FBF1: variants seen among roughly 807,000 people sequenced by gnomAD.
FBF1 encodes the protein fas-binding factor 1.
FBF1 carries 119 observed loss-of-function variants against 147.2 expected under a neutral mutation model. That is an observed-to-expected ratio of 0.81 (90% CI 0.70 to 0.94). FBF1 has a LOEUF of 0.94. Among genes scored for constraint, FBF1 ranks in the 40% least tolerant of loss-of-function variants. The pLI, the probability that FBF1 is intolerant of heterozygous loss-of-function variation, is 0.00. For missense variants in FBF1, 1,449 were observed against 1,500.8 expected (o/e 0.97, Z 0.57); for synonymous variants, 601 against 609.0 (o/e 0.99, Z 0.19).
chr17:75,909,747 T>C lies in FBF1; in HGVS notation c.*976A>G, dbSNP rs2065446984. The C allele has an allele frequency of 1.6e-6, 1 of 616,976 alleles. No individual in the cohort carries two copies. The highest frequency in any genetic ancestry group is 2.9e-6 in the Non-Finnish European group (1 of 341,536). The allele number at this position is 616,976 out of a possible 1,614,324, so 38.2% of individuals were successfully genotyped here. A position where few individuals can be genotyped will look rare whatever the true frequency, so the allele number is the denominator to read the frequency against. On this transcript the variant is annotated 3_prime_UTR_variant, in exon 30 of 30. Coordinates refer to ENST00000636174, the MANE Select transcript of FBF1 (RefSeq NM_001319193.2). ...AGGCGCCTGGTCCTGACCAATCTTA[T>C]AGGCTGATCTTTTAATAAGAACATC...
chr17:75,914,393 G>C, intron 25 of FBF1, 95 bp from the exon 26 acceptor site: 1 of 1,468,418 alleles, frequency 6.8e-7, no homozygotes, highest in South Asian at 1.3e-5. Flanking sequence ...CCCTGCCCCT[G>C]GGAGGAGGTG....
In FBF1 at chr17:75,925,320, G is replaced by A. The variant is rs182524378; in HGVS notation, c.968+27C>T. ...CCCAGTGGCCGACCTGTCTCAAGAG[G>A]CCAAGCCTCCTGCAGGCCCCACTTA... On this transcript the variant is annotated intron_variant, in intron 13 of 29. Transcript: ENST00000636174. The surrounding 1 kb of genome is among the most constrained non-coding windows in gnomAD (Gnocchi z 5.0). 8.8e-6 allele frequency: 14 copies of A among 1,594,206 alleles called. No homozygotes were observed. The African/African-American group carries it at 1.3e-4, about 15-fold the overall frequency.
Position 75,919,966 on chromosome 17 carries a change from G to C in FBF1, c.1931+41C>G. On this transcript the variant is annotated intron_variant, in intron 19 of 29. Transcript: ENST00000636174. This position sits in a 1 kb window ranked among gnomAD's most constrained non-coding sequence, Gnocchi z 5.0. ...GCACACTGGGTGGCCTTTGGGGTCA[G>C]TGTGAGATCCAAGGCAGAGCTGGGG... The C allele has an allele frequency of 6.2e-7, 1 of 1,610,002 alleles. No homozygotes were observed. The highest frequency in any genetic ancestry group is 8.5e-7 in the Non-Finnish European group (1 of 1,177,218).
Position 75,914,008 on chromosome 17 carries a change from C to T in FBF1, c.3034G>A (p.Glu1012Lys), listed in dbSNP as rs1221124975. The change falls in exon 27 of 30, where the codon GAG (glutamate) becomes AAG (lysine). Residue 1012 changes from glutamate (E) to lysine (K), a missense_variant. Transcript: ENST00000636174. ...KYEEGERALR[E>K]AQQVQAEQQA... ...TGCTCTGCCTGCACCTGCTGGGCCT[C>T]GCGCAATGCCCGCTCCCCCTCCTCG... is the stretch of plus-strand genomic sequence containing the variant. 11 of 1,579,756 alleles carry T rather than the reference C, an allele frequency of 7.0e-6. No individual in the cohort carries two copies. The highest frequency in any genetic ancestry group is 2.7e-5 in the African/African-American group (2 of 74,476).
chr17:75,929,002 T>G (rs1418122684), intron 7 of FBF1, among the ~76,000 whole-genome samples: 1 of 149,870 alleles, frequency 6.7e-6, no homozygotes, highest in Non-Finnish European at 1.5e-5. Flanking sequence ...TTTTTTTTTT[T>G]TTGAAGACAG....
chr17:75,926,700 T>C lies in FBF1; in HGVS notation c.595+58A>G, dbSNP rs549069656. 6.4e-4 allele frequency: 1,006 copies of C among 1,567,410 alleles called. 4 individuals carry two copies. The highest frequency in any genetic ancestry group is 7.0e-4 in the Non-Finnish European group (806 of 1,155,134). On this transcript the variant is annotated intron_variant, in intron 10 of 29. Transcript: ENST00000636174. ...CTGGTTCTGCACCAGAAAGGCTGGT[T>C]AGCTTGTTGCCAATAAACTCTTCCT...
chr17:75,934,108 T>C (rs1439993893), intron 4 of FBF1, among the ~76,000 whole-genome samples: 1 of 152,182 alleles, frequency 6.6e-6, no homozygotes, highest in African/African-American at 2.4e-5. Flanking sequence ...GCATTATTCA[T>C]AACAGCCGAA....
chr17:75,912,213 C>A lies in FBF1; in HGVS notation c.3342G>T (p.Leu1114=). The change falls in exon 29 of 30, where the codon CTG becomes CTT. Residue 1114 remains leucine (L), a synonymous_variant. Coordinates refer to ENST00000636174, the MANE Select transcript of FBF1 (RefSeq NM_001319193.2). ...TCACCTGCTCTGCCATGTGCCTCAGCAGTGCCAGCCTGGCATGGAGGTGCA... is the reference window on the plus strand; with the variant it reads ...TCACCTGCTCTGCCATGTGCCTCAGAAGTGCCAGCCTGGCATGGAGGTGCA... ...SPLHLHARLA[L]LRHMAEQDRD... is the part of the protein sequence containing the mutation. 1.2e-6 allele frequency: 2 copies of A among 1,609,700 alleles called. No individual in the cohort carries two copies. Among genetic ancestry groups the A allele is most frequent in the South Asian group, 2.2e-5 (2 of 90,162 alleles).
intron 3 of FBF1, among the ~76,000 whole-genome samples, chr17:75,937,277 TCTC>T (rs1432008718): frequency 6.6e-6 from 1 of 151,880 alleles, no homozygotes; most frequent in African/African-American, 2.4e-5. Context: ...TTCACACCAT[TCTC>T]CTGCCTCAGC....
intron 3 of FBF1, among the ~76,000 whole-genome samples, chr17:75,935,992 A>T (rs113282197): frequency 0.031 from 4,725 of 150,050 alleles, 221 homozygotes; most frequent in African/African-American, 0.11. Context: ...CCTGACCAAC[A>T]TGGCAAAACC....
At position 75,910,116 on chromosome 17, in the gene FBF1, C is replaced by T. The variant is rs578014872; in HGVS notation, c.*607G>A. The stretch of plus-strand genomic sequence containing the variant: ...TGTTCACCCAAACTGGTTGGTCCTT[C>T]GGGCAATGCTGGGAATAGGGTGGGG... On this transcript the variant is annotated 3_prime_UTR_variant, in exon 30 of 30. Transcript: ENST00000636174. This position sits in a 1 kb window ranked among gnomAD's most constrained non-coding sequence, Gnocchi z 4.1. 1.7e-3 allele frequency: 888 copies of T among 515,422 alleles called. 6 individuals carry two copies. In the Middle Eastern group the frequency reaches 0.022, roughly 13 times the overall value. 31.9% of individuals were successfully genotyped at this position (515,422 alleles called of 1,614,324 possible). A position where few individuals can be genotyped will look rare whatever the true frequency, so the allele number is the denominator to read the frequency against.
rs775940226 is a variant in FBF1, at chr17:75,926,277, G to A, written c.734+11C>T. 1.2e-6 allele frequency: 2 copies of A among 1,612,646 alleles called. No homozygotes were observed. The highest frequency in any genetic ancestry group is 1.3e-5 in the African/African-American group (1 of 75,070). On this transcript the variant is annotated intron_variant, in intron 11 of 29. Transcript: ENST00000636174. ...CTGAGGCAGCAGCCTGGCCTACTCA[G>A]GGATCCTTACTGGTCTCCTATCTGC...
chr17:75,933,900 G>T (rs1598161699), intron 4 of FBF1, among the ~76,000 whole-genome samples: 1 of 152,114 alleles, frequency 6.6e-6, no homozygotes, highest in Non-Finnish European at 1.5e-5. Flanking sequence ...TCATCAAAAA[G>T]AAGGAAAACA....
chr17:75,939,295 CAAAAA>C (rs56272719), intron 1 of FBF1, among the ~76,000 whole-genome samples: 1,065 of 82,972 alleles, frequency 0.013, 17 homozygotes, highest in African/African-American at 0.038. Context: ...ACTCTGTCTC[CAAAAA>C]AAAAAAAAAA....
rs575262999 is a variant in FBF1 at position 75,926,354 on chromosome 17, T to A, written c.668A>T (p.Asp223Val). ...KKEELLFDDGDDIMATLGFGD... is the reference protein window; with the variant it reads ...KKEELLFDDGVDIMATLGFGD... Reference sequence around the variant, plus strand: ...AAACCCCAAGGTGGCCATGATGTCATCCCCATCATCAAACAACAATTCTTC... The same window carrying A: ...AAACCCCAAGGTGGCCATGATGTCAACCCCATCATCAAACAACAATTCTTC... Residue 223 changes from aspartate (D) to valine (V), a missense_variant, in exon 11 of 30, where the codon GAT becomes GTT. Physicochemically the swap from Asp to Val is radical, Grantham distance 152 (BLOSUM62 -3). Coordinates refer to ENST00000636174, the MANE Select transcript of FBF1 (RefSeq NM_001319193.2). 1.9e-6 allele frequency: 3 copies of A among 1,612,104 alleles called. No individual in the cohort carries two copies. The highest frequency in any genetic ancestry group is 1.7e-4 in the Middle Eastern group (1 of 6,056).
At position 75,914,114 on chromosome 17, in the gene FBF1, A is replaced by C. The variant is rs777262131; in HGVS notation, c.2991+8T>G. 219 of 1,598,416 alleles carry C rather than the reference A, an allele frequency of 1.4e-4. No individual in the cohort carries two copies. Among genetic ancestry groups the C allele is most frequent in the Non-Finnish European group, 1.8e-4 (213 of 1,176,400 alleles). ...AGATGCGCCCACGCCCATGTGCCCGAGCAGCACCTTGCTCATGCTCTCCAC... is the reference window on the plus strand; with the variant it reads ...AGATGCGCCCACGCCCATGTGCCCGCGCAGCACCTTGCTCATGCTCTCCAC... On this transcript the variant is annotated splice_region_variant and intron_variant, in intron 26 of 29. Coordinates refer to ENST00000636174, the MANE Select transcript of FBF1 (RefSeq NM_001319193.2).
chr17:75,937,137 C>T (rs374906071), intron 3 of FBF1, among the ~76,000 whole-genome samples: 23 of 151,896 alleles, frequency 1.5e-4, no homozygotes, highest in African/African-American at 5.3e-4. Context: ...AGGCTGCCTA[C>T]GGAATAATGG....
Position 75,933,096 on chromosome 17 carries a change from A to C in FBF1, c.74-8T>G. The stretch of plus-strand genomic sequence containing the variant: ...GCTTCTCAGGTAGTGTCACTGGAAA[A>C]AAAGAAAAGAGAAAACGTGTCATTT... On this transcript the variant is annotated splice_polypyrimidine_tract_variant and splice_region_variant and intron_variant, in intron 4 of 29. Transcript: ENST00000636174. The C allele has an allele frequency of 1.3e-6, 2 of 1,594,216 alleles. No homozygotes were observed.
Position 75,923,112 on chromosome 17 carries a change from G to T in FBF1, c.1424+74C>A. ...CAACTGCTGACTGAGGCTGCAACAGGTGAAGGGGCAAAGGGGCTCCTCAAG... is the reference window on the plus strand; with the variant it reads ...CAACTGCTGACTGAGGCTGCAACAGTTGAAGGGGCAAAGGGGCTCCTCAAG... On this transcript the variant is annotated intron_variant, in intron 14 of 29. Transcript: ENST00000636174. The surrounding 1 kb of genome is among the most constrained non-coding windows in gnomAD (Gnocchi z 4.1). 7.2e-7 allele frequency: 1 copy of T among 1,397,516 alleles called. No individual in the cohort carries two copies. The highest frequency in any genetic ancestry group is 9.6e-7 in the Non-Finnish European group (1 of 1,043,120). The allele number at this position is 1,397,516 out of a possible 1,614,324, so 86.6% of individuals were successfully genotyped here.
Sources: gnomAD v4.1 joint callset for allele counts (sites outside exome capture counted in the v4.1 genomes callset) on GRCh38, gnomAD v4.1.1 for gene constraint, Gnocchi (gnomAD v3.1) non-coding constraint, MANE v1.5 for transcripts, NCBI Gene and HGNC (gene_info 2026-07-23, HGNC 2026-07-21) for gene names.